The following LINGO2 variants were observed in gnomAD, a reference collection of about 807,000 sequenced individuals.
The protein encoded by LINGO2 is leucine rich repeat and Ig domain containing 2.
Under a neutral mutation model 30.6 loss-of-function variants are expected in LINGO2, and 14 were observed. The observed-to-expected ratio is 0.46, with a 90% CI of 0.30 to 0.72. The LOEUF (loss-of-function observed/expected upper bound fraction) is 0.72. LINGO2 is among the 30% of genes least tolerant of loss of function. LINGO2 has a pLI of 0.07. For missense variants in LINGO2, 729 were observed against 751.7 expected, an observed-to-expected ratio of 0.97 and a Z score of 0.35; for synonymous variants, 317 against 288.5, an observed-to-expected ratio of 1.10 and a Z score of -1.00.
chr9:28,294,336 C>T (rs539228675), intron 4 of LINGO2, among the ~76,000 whole-genome samples: 94 of 152,250 alleles, frequency 6.2e-4, no homozygotes, highest in African/African-American at 2.3e-3. Context: ...AATCTCCATC[C>T]ATTGCTTTCT....
intron 4 of LINGO2, among the ~76,000 whole-genome samples, chr9:28,128,527 G>C (rs1827300185): frequency 6.6e-6 from 1 of 152,154 alleles, no homozygotes. Context: ...TTCTAAGTCT[G>C]GACATGATTT....
the LINGO2 span, among the ~76,000 whole-genome samples, chr9:29,155,356 C>T: frequency 6.6e-6 from 1 of 152,140 alleles, no homozygotes; most frequent in African/African-American, 2.4e-5. Context: ...CATTTATGTA[C>T]ATGAATGATA....
intron 4 of LINGO2, among the ~76,000 whole-genome samples, chr9:28,230,680 CA>C (rs1406130113): frequency 6.6e-6 from 1 of 151,646 alleles, no homozygotes; most frequent in Non-Finnish European, 1.5e-5. Flanking sequence ...AATTGAATTG[CA>C]AAAAATCTGC....
chr9:28,508,646 C>T (rs1820248992), intron 1 of LINGO2, among the ~76,000 whole-genome samples: 1 of 151,904 alleles, frequency 6.6e-6, no homozygotes, highest in Admixed American at 6.6e-5. Flanking sequence ...TACATCTTTT[C>T]CTTTATTTGA....
At chr9:28,304,112 G>T (rs1824251346) in intron 3 of LINGO2, among the ~76,000 whole-genome samples, 1 of 151,938 alleles carries the variant, frequency 6.6e-6, no homozygotes, top group African/African-American at 2.4e-5. Context: ...TGTTTTGTGA[G>T]ATGTGGATCT....
At chr9:27,950,642 C>T in exon 6 of LINGO2, 1 of 1,512,524 alleles carries the variant, frequency 6.6e-7, no homozygotes, top group Non-Finnish European at 8.8e-7. Context: ...CCAGGAATGG[C>T]TGCCAGCATG....
At chr9:28,110,248 G>C (rs563125616) in intron 4 of LINGO2, among the ~76,000 whole-genome samples, 1 of 152,110 alleles carries the variant, frequency 6.6e-6, no homozygotes, top group Non-Finnish European at 1.5e-5. Flanking sequence ...ATTATCTCAA[G>C]ATGTATTAAA....
chr9:29,105,635 T>C, the LINGO2 span, among the ~76,000 whole-genome samples: 297 of 152,304 alleles, frequency 2.0e-3, 1 homozygote, highest in African/African-American at 6.8e-3. Context: ...ACCAATCAAC[T>C]GATTTTGAGC....
intron 1 of LINGO2, among the ~76,000 whole-genome samples, chr9:28,572,064 TG>T (rs1209089482): frequency 6.6e-6 from 1 of 152,050 alleles, no homozygotes; most frequent in Admixed American, 6.6e-5. Context: ...CTCTACACCG[TG>T]CTGTCACCTG....
chr9:28,706,839 A>G, the LINGO2 span, among the ~76,000 whole-genome samples: 3 of 152,232 alleles, frequency 2.0e-5, no homozygotes, highest in East Asian at 5.8e-4. Context: ...ATTAGCCCTG[A>G]TGATAGACCT....
the LINGO2 span, among the ~76,000 whole-genome samples, chr9:28,865,136 C>T: frequency 1.3e-5 from 2 of 152,002 alleles, no homozygotes; most frequent in Admixed American, 1.3e-4. Flanking sequence ...ATACCACGGC[C>T]TATCCAAAGA....
the LINGO2 span, among the ~76,000 whole-genome samples, chr9:28,821,479 C>T: frequency 2.0e-5 from 3 of 152,260 alleles, no homozygotes; most frequent in Middle Eastern, 3.4e-3. Context: ...ATACAGATCA[C>T]GGAAATTTGC....
At chr9:28,851,064 C>A in the LINGO2 span, among the ~76,000 whole-genome samples, 1 of 151,998 alleles carries the variant, frequency 6.6e-6, no homozygotes, top group South Asian at 2.1e-4. Context: ...GACTTAATGA[C>A]TGAAGGAATT....
intron 1 of LINGO2, among the ~76,000 whole-genome samples, chr9:28,665,593 C>G (rs896094829): frequency 2.6e-5 from 4 of 152,096 alleles, no homozygotes; most frequent in African/African-American, 9.7e-5. Flanking sequence ...AATAATATTA[C>G]TAAATGCAAG....
chr9:28,827,976 T>C, the LINGO2 span, among the ~76,000 whole-genome samples: 3 of 152,042 alleles, frequency 2.0e-5, no homozygotes, highest in Admixed American at 2.0e-4. Context: ...TTGGTATATA[T>C]GTTATATGTA....
chr9:28,958,046 T>C, the LINGO2 span, among the ~76,000 whole-genome samples: 1 of 152,194 alleles, frequency 6.6e-6, no homozygotes, highest in African/African-American at 2.4e-5. Context: ...CAGATCTAGG[T>C]TTGTCTGATT....
At chr9:28,563,863 T>A (rs1318710476) in intron 1 of LINGO2, among the ~76,000 whole-genome samples, 1 of 152,132 alleles carries the variant, frequency 6.6e-6, no homozygotes, top group Non-Finnish European at 1.5e-5. Flanking sequence ...TCTGGTCCAA[T>A]CTGTGGTATC....
chr9:29,062,165 A>C, the LINGO2 span, among the ~76,000 whole-genome samples: 2 of 152,082 alleles, frequency 1.3e-5, no homozygotes, highest in African/African-American at 4.8e-5. Context: ...AGTATATTTT[A>C]ATACAGAAAA....
At chr9:29,001,258 G>C in the LINGO2 span, among the ~76,000 whole-genome samples, 1 of 151,958 alleles carries the variant, frequency 6.6e-6, no homozygotes, top group Non-Finnish European at 1.5e-5. Flanking sequence ...TATAGGCAAA[G>C]TAGTACTTCC....
Sources: gnomAD v4.1 joint callset for allele counts (sites outside exome capture counted in the v4.1 genomes callset) on GRCh38, gnomAD v4.1.1 for gene constraint, MANE v1.5 for transcripts, NCBI Gene and HGNC (gene_info 2026-07-23, HGNC 2026-07-21) for gene names.